The following PRICKLE2 variants were observed in gnomAD, a reference collection of about 807,000 sequenced individuals.
PRICKLE2 encodes the protein prickle-like protein 2.
Under a neutral mutation model 81.4 loss-of-function variants are expected in PRICKLE2, and 21 were observed. That is an observed-to-expected ratio of 0.26 (90% CI 0.18 to 0.37). PRICKLE2 has a LOEUF of 0.37. Among genes scored for constraint, PRICKLE2 ranks in the 10% least tolerant of loss-of-function variants. The pLI is 1.00. For synonymous variants in PRICKLE2, 456 were observed against 421.5 expected (o/e 1.08, Z -1.00); for missense variants, 940 against 1,109.0 (o/e 0.85, Z 2.16).
At chr3:64,232,815 T>A (rs2079125282) in intron 2 of PRICKLE2, among the ~76,000 whole-genome samples, 2 of 152,152 alleles carry the variant, frequency 1.3e-5, no homozygotes, top group South Asian at 4.1e-4. Flanking sequence ...GTCTTTGCTA[T>A]CTCAGTTAAT....
At position 64,185,244 on chromosome 3, in the gene PRICKLE2, G is replaced by A. The variant is rs902824788; in HGVS notation, c.144+13540C>T. 3.3e-5 allele frequency among the ~76,000 whole-genome samples: 5 copies of A among 152,218 alleles called. No homozygotes were observed. The East Asian group carries it at 9.7e-4, about 29-fold the overall frequency. Reference sequence around the variant, plus strand: ...ACACCCTTTGGCAAGAGTCAGAAAGGTTTCTCAGGACCCCAGGATTGTAGG... The same window carrying A: ...ACACCCTTTGGCAAGAGTCAGAAAGATTTCTCAGGACCCCAGGATTGTAGG... On this transcript the variant is annotated intron_variant, in intron 2 of 7. Coordinates refer to ENST00000638394, the MANE Select transcript of PRICKLE2 (RefSeq NM_198859.4).
intron 1 of PRICKLE2, among the ~76,000 whole-genome samples, chr3:64,212,769 C>T (rs1548081): frequency 0.051 from 7,788 of 152,170 alleles, 666 homozygotes; most frequent in African/African-American, 0.18. Flanking sequence ...TGCCAGTGTG[C>T]TAGGTCCTAC....
intron 2 of PRICKLE2, among the ~76,000 whole-genome samples, chr3:64,240,748 T>C (rs775813240): frequency 1.3e-5 from 2 of 152,204 alleles, no homozygotes; most frequent in Non-Finnish European, 2.9e-5. Flanking sequence ...TCTCAGGCCC[T>C]ACCCAGACCT....
intron 2 of PRICKLE2, among the ~76,000 whole-genome samples, chr3:64,186,438 T>G (rs1019669189): frequency 3.9e-5 from 6 of 152,178 alleles, no homozygotes; most frequent in African/African-American, 1.2e-4. Context: ...TCTCAAACAC[T>G]TATGAGCCCA....
At chr3:64,181,367 C>T (rs1188524806) in intron 2 of PRICKLE2, among the ~76,000 whole-genome samples, 1 of 152,114 alleles carries the variant, frequency 6.6e-6, no homozygotes, top group Non-Finnish European at 1.5e-5. Flanking sequence ...CTGACAGTCC[C>T]AACATCCAGA....
At chr3:64,203,170 AC>A (rs2078619887) in intron 1 of PRICKLE2, among the ~76,000 whole-genome samples, 1 of 152,220 alleles carries the variant, frequency 6.6e-6, no homozygotes, top group African/African-American at 2.4e-5. Flanking sequence ...TCAGAAATAT[AC>A]ACCAGACAGA....
upstream of PRICKLE2, among the ~76,000 whole-genome samples, chr3:64,230,281 TAAACA>T (rs1240823653): frequency 6.6e-6 from 1 of 152,144 alleles, no homozygotes; most frequent in Non-Finnish European, 1.5e-5. Context: ...GTAAAAACAT[TAAACA>T]AAACAAAATA....
chr3:64,161,908 T>G (rs1011799622), intron 3 of PRICKLE2, among the ~76,000 whole-genome samples: 1 of 152,148 alleles, frequency 6.6e-6, no homozygotes, highest in South Asian at 2.1e-4. Context: ...GTTACAATGC[T>G]TGCTCTCAAC....
At chr3:64,111,599 T>TG (rs2076847721) in intron 7 of PRICKLE2, among the ~76,000 whole-genome samples, 1 of 152,246 alleles carries the variant, frequency 6.6e-6, no homozygotes, top group Non-Finnish European at 1.5e-5. Context: ...AGTTTTCTAT[T>TG]GTATAAATAT....
intron 7 of PRICKLE2, among the ~76,000 whole-genome samples, chr3:64,144,691 G>A (rs2077416686): frequency 6.6e-6 from 1 of 152,212 alleles, no homozygotes; most frequent in African/African-American, 2.4e-5. Flanking sequence ...AGTGGTGAAG[G>A]ACCAGTTTGT....
intron 2 of PRICKLE2, among the ~76,000 whole-genome samples, chr3:64,254,503 G>A (rs1381343880): frequency 6.6e-6 from 1 of 152,132 alleles, no homozygotes; most frequent in African/African-American, 2.4e-5. Flanking sequence ...TTTGGAAGGT[G>A]AGCAAAAAGA....
chr3:64,191,516 T>C (rs1420069666), intron 2 of PRICKLE2, among the ~76,000 whole-genome samples: 2 of 152,196 alleles, frequency 1.3e-5, no homozygotes, highest in Non-Finnish European at 2.9e-5. Context: ...TGTGTGATCT[T>C]GGGCAAGTTA....
At chr3:64,103,081 T>A (rs1002385275) in intron 7 of PRICKLE2, 2 of 152,350 alleles carry the variant, frequency 1.3e-5, no homozygotes, top group South Asian at 2.1e-4. Flanking sequence ...TTTTATAACT[T>A]TTTTTAAGTC....
intron 2 of PRICKLE2, among the ~76,000 whole-genome samples, chr3:64,194,620 C>A (rs1390417426): frequency 2.6e-5 from 4 of 152,236 alleles, no homozygotes; most frequent in Admixed American, 1.3e-4. Context: ...TCCTCTTCAT[C>A]ATCTGCCCTT....
intron 7 of PRICKLE2, 26 bp downstream of exon 7, chr3:64,146,804 C>A: frequency 6.2e-7 from 1 of 1,613,626 alleles, no homozygotes; most frequent in Non-Finnish European, 8.5e-7. Context: ...CCCTTTCTAT[C>A]TGTTTTCAAG....
At chr3:64,126,120 A>G (rs547386734) in intron 7 of PRICKLE2, among the ~76,000 whole-genome samples, 1 of 152,282 alleles carries the variant, frequency 6.6e-6, no homozygotes, top group South Asian at 2.1e-4. Context: ...GTAATTAGAG[A>G]AAACAGTAAA....
intron 7 of PRICKLE2, among the ~76,000 whole-genome samples, chr3:64,113,709 C>T (rs1054602505): frequency 2.6e-5 from 4 of 152,154 alleles, no homozygotes; most frequent in African/African-American, 9.7e-5. Flanking sequence ...GCCAGCAAGC[C>T]CTGCCCCTGC....
intron 1 of PRICKLE2, among the ~76,000 whole-genome samples, chr3:64,206,183 A>T (rs1292549178): frequency 6.6e-6 from 1 of 151,802 alleles, no homozygotes; most frequent in African/African-American, 2.4e-5. Context: ...CCCAGTGACT[A>T]TAATTGGATA....
Position 64,225,359 on chromosome 3 carries a change from T to A in PRICKLE2, c.-490A>T. 3.0e-6 allele frequency: 3 copies of A among 985,320 alleles called. No individual in the cohort carries two copies. Among genetic ancestry groups the A allele is most frequent in the Non-Finnish European group, 3.6e-6 (3 of 829,952 alleles). The allele number at this position is 985,320 out of a possible 1,614,324, so 61.0% of individuals were successfully genotyped here. ...GCCAGACCCGGGGTGACTAGTCAGC[T>A]GCTCACAGAGCTCAAGCCACTGAAC... On this transcript the variant is annotated 5_prime_UTR_variant, in exon 1 of 8. Transcript: ENST00000638394.
Sources: allele counts gnomAD v4.1 joint callset (sites outside exome capture counted in the v4.1 genomes callset), GRCh38; gene constraint gnomAD v4.1.1; transcripts MANE v1.5; gene names NCBI Gene and HGNC (gene_info 2026-07-23, HGNC 2026-07-21).